ANO3: variants seen among roughly 807,000 people sequenced by gnomAD.
ANO3 encodes anoctamin 3, also known as anoctamin-3.
A neutral mutation model predicts 144.8 loss-of-function variants in ANO3; 99 were observed. The ratio of observed to expected loss-of-function variants is 0.68; its 90% CI spans 0.58 to 0.81. ANO3 has a LOEUF of 0.81. ANO3 is among the 30% of genes least tolerant of loss of function. ANO3 has a pLI of 0.00. For missense variants in ANO3, 905 were observed against 1,202.2 expected (o/e 0.75, Z 3.66); for synonymous variants, 414 against 392.6 (o/e 1.05, Z -0.64).
intron 17 of ANO3, among the ~76,000 whole-genome samples, chr11:26,600,752 T>C (rs1424570312): frequency 6.6e-6 from 1 of 151,640 alleles, no homozygotes; most frequent in Admixed American, 6.6e-5. Context: ...CATTTTGTCA[T>C]AGTCTGGCAT....
intron 1 of ANO3, among the ~76,000 whole-genome samples, chr11:26,426,405 G>A (rs1419323731): frequency 2.0e-5 from 3 of 152,066 alleles, no homozygotes; most frequent in South Asian, 4.1e-4. Flanking sequence ...AGTTTGGCAT[G>A]TCTAGTCCAA....
At chr11:26,328,093 G>A (rs112648078), upstream of ANO3, among the ~76,000 whole-genome samples, 799 of 152,186 alleles carry the variant, frequency 5.3e-3, 4 homozygotes, top group Middle Eastern at 0.031. Context: ...TCTTAAGGCT[G>A]GACTCAGAGA....
intron 26 of ANO3, among the ~76,000 whole-genome samples, chr11:26,658,204 C>T (rs1037385813): frequency 6.6e-6 from 1 of 152,176 alleles, no homozygotes; most frequent in Non-Finnish European, 1.5e-5. Context: ...ATTGAAGAGA[C>T]TATCTTTTAT....
At chr11:26,301,961 G>A (rs537912000) in intron 1 of ANO3, among the ~76,000 whole-genome samples, 1 of 152,282 alleles carries the variant, frequency 6.6e-6, no homozygotes, top group African/African-American at 2.4e-5. Flanking sequence ...AAAAATGATA[G>A]AAAGTTATTA....
At chr11:26,363,536 C>A (rs1052622722) in intron 1 of ANO3, among the ~76,000 whole-genome samples, 2 of 152,046 alleles carry the variant, frequency 1.3e-5, no homozygotes, top group Admixed American at 6.6e-5. Flanking sequence ...ACCAGTCATG[C>A]TGGATTAGGG....
intron 1 of ANO3, among the ~76,000 whole-genome samples, chr11:26,241,153 A>G (rs1048172202): frequency 4.6e-5 from 7 of 152,172 alleles, no homozygotes; most frequent in Admixed American, 6.5e-5. Context: ...CCTGTCACAT[A>G]CATGCAAGAA....
intron 7 of ANO3, among the ~76,000 whole-genome samples, chr11:26,530,783 C>T (rs1424584867): frequency 2.6e-5 from 4 of 152,056 alleles, no homozygotes; most frequent in African/African-American, 4.8e-5. Flanking sequence ...GCAGGAGAAT[C>T]GCTTGAACCT....
intron 4 of ANO3, chr11:26,474,162 A>G (rs892063359): frequency 8.6e-6 from 8 of 930,792 alleles, no homozygotes; most frequent in Admixed American, 1.2e-4. Context: ...TAGGAATTCT[A>G]TACTATTTTT....
intron 1 of ANO3, among the ~76,000 whole-genome samples, chr11:26,427,714 A>C (rs1857959480): frequency 6.6e-6 from 1 of 152,080 alleles, no homozygotes; most frequent in African/African-American, 2.4e-5. Flanking sequence ...TCACACTGCT[A>C]ATAAAGACAT....
At chr11:26,339,926 G>A (rs1447226945) in intron 1 of ANO3, among the ~76,000 whole-genome samples, 1 of 152,204 alleles carries the variant, frequency 6.6e-6, no homozygotes, top group Admixed American at 6.5e-5. Flanking sequence ...TATGTAGGAA[G>A]CCTGCAGCAG....
chr11:26,660,199 A>C, intron 26 of ANO3, 63 bp from the exon 27 acceptor site: 1 of 1,430,978 alleles, frequency 7.0e-7, no homozygotes, highest in Non-Finnish European at 9.8e-7. Context: ...TCATTGTTGT[A>C]CTGTTTTATA....
chr11:26,518,942 C>T (rs1163409126), intron 6 of ANO3, among the ~76,000 whole-genome samples: 1 of 151,882 alleles, frequency 6.6e-6, no homozygotes, highest in Non-Finnish European at 1.5e-5. Context: ...ATATATTTTC[C>T]ACAAGTTCTA....
intron 6 of ANO3, 61 bp from the exon 7 acceptor site, chr11:26,525,570 GTCAC>G: frequency 7.8e-7 from 1 of 1,280,926 alleles, no homozygotes; most frequent in East Asian, 2.4e-5. Context: ...ATTGAATGTT[GTCAC>G]TCACTCGTAT....
chr11:26,415,056 ATGTGTG>A (rs149901742), intron 1 of ANO3, among the ~76,000 whole-genome samples: 21,182 of 145,488 alleles, frequency 0.15, 2,737 homozygotes, highest in African/African-American at 0.36. Flanking sequence ...ATTGGTGTGT[ATGTGTG>A]TGTGTGTGTG....
intron 1 of ANO3, among the ~76,000 whole-genome samples, chr11:26,283,130 C>T (rs1853715310): frequency 1.3e-5 from 2 of 150,664 alleles, no homozygotes; most frequent in South Asian, 4.2e-4. Flanking sequence ...TTAGTATTGC[C>T]ATATACATTT....
chr11:26,252,932 T>G (rs1269592827), intron 1 of ANO3, among the ~76,000 whole-genome samples: 1 of 152,156 alleles, frequency 6.6e-6, no homozygotes, highest in Admixed American at 6.5e-5. Context: ...AAGAAACACT[T>G]GAATGGTGTA....
At chr11:26,243,863 TAATCCCAGC>T (rs1333901922) in intron 1 of ANO3, among the ~76,000 whole-genome samples, 1 of 152,142 alleles carries the variant, frequency 6.6e-6, no homozygotes, top group African/African-American at 2.4e-5. Flanking sequence ...GTCACGCCTG[TAATCCCAGC>T]ACTTTGGGAG....
chr11:26,227,571 A>C (rs1177352797), intron 1 of ANO3, among the ~76,000 whole-genome samples: 1 of 152,214 alleles, frequency 6.6e-6, no homozygotes. Flanking sequence ...TCTACAGTTG[A>C]TATTGGGAAA....
chr11:26,273,963 T>C (rs947706706), intron 1 of ANO3, among the ~76,000 whole-genome samples: 5 of 152,142 alleles, frequency 3.3e-5, no homozygotes, highest in South Asian at 2.1e-4. Context: ...CTTTCAGTAT[T>C]CTCCACATCA....
Sources: gnomAD v4.1 joint callset for allele counts (sites outside exome capture counted in the v4.1 genomes callset) on GRCh38, gnomAD v4.1.1 for gene constraint, MANE v1.5 for transcripts, NCBI Gene and HGNC (gene_info 2026-07-23, HGNC 2026-07-21) for gene names.